LTBP1: variants seen among roughly 807,000 people sequenced by gnomAD.
LTBP1 encodes the protein latent-transforming growth factor beta-binding protein 1.
In LTBP1, 129 loss-of-function variants were observed where a neutral mutation model predicts 207.6. The ratio of observed to expected loss-of-function variants is 0.62; its 90% CI spans 0.54 to 0.72. The LOEUF (loss-of-function observed/expected upper bound fraction) is 0.72, where lower values mean the gene tolerates loss of function less well. Ranked by LOEUF, LTBP1 falls within the 30% of genes least tolerant of loss-of-function variation. The probability of loss-of-function intolerance (pLI) is 0.00; values close to 1 mark genes in which losing one functional copy is unlikely to be tolerated. For missense variants in LTBP1, 2,281 were observed against 2,217.2 expected (o/e 1.03, Z -0.58); for synonymous variants, 963 against 833.7 (o/e 1.16, Z -2.67).
At chr2:32,980,780 T>C (rs1348068542) in intron 2 of LTBP1, among the ~76,000 whole-genome samples, 1 of 152,138 alleles carries the variant, frequency 6.6e-6, no homozygotes, top group African/African-American at 2.4e-5. Context: ...GTTGATGAAA[T>C]CAGCTTTTGT....
chr2:32,965,203 A>G (rs1679763417), intron 2 of LTBP1, among the ~76,000 whole-genome samples: 1 of 152,148 alleles, frequency 6.6e-6, no homozygotes, highest in Non-Finnish European at 1.5e-5. Context: ...CTTTTGAGAG[A>G]AGTTTTAGGT....
intron 3 of LTBP1, among the ~76,000 whole-genome samples, chr2:33,079,218 G>A (rs2078260169): frequency 6.6e-6 from 1 of 152,112 alleles, no homozygotes; most frequent in African/African-American, 2.4e-5. Flanking sequence ...AATAAATGAA[G>A]GTCTTAGTCC....
intron 21 of LTBP1, among the ~76,000 whole-genome samples, chr2:33,301,267 C>G (rs1196638123): frequency 6.6e-6 from 1 of 152,144 alleles, no homozygotes; most frequent in Non-Finnish European, 1.5e-5. Context: ...AACGCCATTT[C>G]TTATTTAAGA....
intron 24 of LTBP1, among the ~76,000 whole-genome samples, chr2:33,329,756 C>T (rs2094473034): frequency 6.6e-6 from 1 of 151,788 alleles, no homozygotes. Flanking sequence ...GTCTTTGTAC[C>T]ATTTGTACAT....
chr2:33,274,602 T>C (rs2093388407), intron 16 of LTBP1, among the ~76,000 whole-genome samples: 1 of 152,260 alleles, frequency 6.6e-6, no homozygotes, highest in African/African-American at 2.4e-5. Context: ...TCCATCCACA[T>C]GCACGGAGGA....
chr2:33,116,861 T>C (rs149055629), intron 4 of LTBP1, among the ~76,000 whole-genome samples: 128 of 152,234 alleles, frequency 8.4e-4, no homozygotes, highest in Non-Finnish European at 1.5e-3. Flanking sequence ...CTTTTTTGTT[T>C]AAATAAGCAA....
intron 9 of LTBP1, 77 bp from the exon 10 acceptor site, chr2:33,243,585 A>T: frequency 7.4e-7 from 1 of 1,354,444 alleles, no homozygotes. Context: ...GTGAAAAAGG[A>T]AGTGAATGCA....
chr2:33,242,981 T>G (rs1338720245), intron 9 of LTBP1, among the ~76,000 whole-genome samples: 1 of 146,952 alleles, frequency 6.8e-6, no homozygotes, highest in Non-Finnish European at 1.5e-5. Flanking sequence ...TTCCTGAATC[T>G]TCTTTTCCAG....
At position 32,981,690 on chromosome 2, in the gene LTBP1, T is replaced by C. The variant is rs955581222; in HGVS notation, c.565+32745T>C. On this transcript the variant is annotated intron_variant, in intron 2 of 33. Coordinates refer to ENST00000404816, the MANE Select transcript of LTBP1 (RefSeq NM_206943.4). ...TAGCTCTCATAATTCCCATGTGTCA[T>C]GAGAGGGACCTGGTGGAAGGTAGTT... is the stretch of plus-strand genomic sequence containing the variant. 1.1e-4 allele frequency among the ~76,000 whole-genome samples: 17 copies of C among 152,176 alleles called. No homozygotes were observed. The South Asian group carries it at 3.5e-3, about 31-fold the overall frequency.
At chr2:33,197,633 G>C (rs2088710336) in intron 7 of LTBP1, among the ~76,000 whole-genome samples, 1 of 152,166 alleles carries the variant, frequency 6.6e-6, no homozygotes, top group Non-Finnish European at 1.5e-5. Context: ...AAGCTTGTTT[G>C]GCATCTGACT....
rs185702294 is a variant in LTBP1 at position 33,100,424 on chromosome 2, A to G, written c.864-10158A>G. 2.1e-3 allele frequency among the ~76,000 whole-genome samples: 318 copies of G among 151,692 alleles called. 1 individual carries two copies. The highest frequency in any genetic ancestry group is 3.7e-3 in the Non-Finnish European group (253 of 67,872). On this transcript the variant is annotated intron_variant, in intron 3 of 33. Coordinates refer to ENST00000404816, the MANE Select transcript of LTBP1 (RefSeq NM_206943.4). The stretch of plus-strand genomic sequence containing the variant: ...ATCCAGAAATATGAAGGATGGGGGC[A>G]GGGGGGGCAAGAAACCCAGCTTCTT...
At position 33,343,057 on chromosome 2, in the gene LTBP1, G is replaced by A. The variant is rs190256724; in HGVS notation, c.3856+94G>A. The stretch of plus-strand genomic sequence containing the variant: ...AGGAGCTTTTAAGCAGGTAATTTGG[G>A]TAGAGCTTTATCGTAATTTGATTTT... On this transcript the variant is annotated intron_variant, in intron 25 of 33. Coordinates refer to ENST00000404816, the MANE Select transcript of LTBP1 (RefSeq NM_206943.4). 6.1e-5 allele frequency: 83 copies of A among 1,369,102 alleles called. No individual in the cohort carries two copies. In the East Asian group the frequency reaches 1.8e-3, roughly 30 times the overall value. The allele number at this position is 1,369,102 out of a possible 1,614,324, so 84.8% of individuals were successfully genotyped here. A position where few individuals can be genotyped will look rare whatever the true frequency, so the allele number is the denominator to read the frequency against.
chr2:33,256,376 C>T lies in LTBP1; in HGVS notation c.2168-908C>T, dbSNP rs532651314. Among the ~76,000 whole-genome samples, 4 of 152,176 alleles carry T rather than the reference C, an allele frequency of 2.6e-5. No individual in the cohort carries two copies. In the East Asian group the frequency reaches 7.7e-4, roughly 29 times the overall value. ...TTTTCCGTCCTCCGTAATCTACATC[C>T]TCTTAACCAGCTGATACATGGCATT... On this transcript the variant is annotated intron_variant, in intron 11 of 33. Coordinates refer to ENST00000404816, the MANE Select transcript of LTBP1 (RefSeq NM_206943.4).
At chr2:32,972,511 A>G (rs1305080626) in intron 2 of LTBP1, among the ~76,000 whole-genome samples, 1 of 151,684 alleles carries the variant, frequency 6.6e-6, no homozygotes. Context: ...TTGATTTCTG[A>G]CTTAATTTCA....
chr2:33,348,487 A>C (rs887839628), intron 26 of LTBP1, among the ~76,000 whole-genome samples: 3 of 152,210 alleles, frequency 2.0e-5, no homozygotes, highest in Non-Finnish European at 2.9e-5. Context: ...TGACCACCAC[A>C]ACAATACATA....
intron 3 of LTBP1, among the ~76,000 whole-genome samples, chr2:33,035,602 A>G (rs1026116583): frequency 6.6e-6 from 1 of 152,250 alleles, no homozygotes; most frequent in Non-Finnish European, 1.5e-5. Flanking sequence ...ATTCGGAAGA[A>G]TGGAGAAGAA....
intron 3 of LTBP1, among the ~76,000 whole-genome samples, chr2:33,082,433 T>A (rs1185006224): frequency 2.1e-3 from 6 of 2,896 alleles, no homozygotes; most frequent in East Asian, 0.05. Context: ...TATGACTCAC[T>A]TTTTTTTTTT....
chr2:33,268,126 A>G (rs1295002667), intron 15 of LTBP1, among the ~76,000 whole-genome samples: 3 of 152,216 alleles, frequency 2.0e-5, no homozygotes, highest in Non-Finnish European at 4.4e-5. Context: ...GTGGTTTGCA[A>G]CTTTAGAGCT....
intron 24 of LTBP1, among the ~76,000 whole-genome samples, chr2:33,341,313 C>G (rs2094616814): frequency 6.6e-6 from 1 of 151,894 alleles, no homozygotes; most frequent in Admixed American, 6.6e-5. Flanking sequence ...GCAGGTGGGA[C>G]CTTGAGGCAG....
Sources: gnomAD v4.1 joint callset for allele counts (sites outside exome capture counted in the v4.1 genomes callset) on GRCh38, gnomAD v4.1.1 for gene constraint, MANE v1.5 for transcripts, NCBI Gene and HGNC (gene_info 2026-07-23, HGNC 2026-07-21) for gene names.